The following LAMA2 variants were observed in gnomAD, a reference collection of about 807,000 sequenced individuals.
LAMA2 encodes laminin subunit alpha 2.
LAMA2 carries 269 observed loss-of-function variants against 364.8 expected under a neutral mutation model. The ratio of observed to expected loss-of-function variants is 0.74; its 90% confidence interval spans 0.67 to 0.82. The LOEUF is 0.82. Ranked by LOEUF, LAMA2 falls within the 40% of genes least tolerant of loss-of-function variation. The probability of loss-of-function intolerance (pLI) is 0.00; values close to 1 mark genes in which losing one functional copy is unlikely to be tolerated. For synonymous variants in LAMA2, 1,379 were observed against 1,370.6 expected, an observed-to-expected ratio of 1.01 and a Z score of -0.14; for missense variants, 3,807 against 3,873.2, an observed-to-expected ratio of 0.98 and a Z score of 0.45.
At chr6:129,309,926 G>A (rs1315165871) in intron 22 of LAMA2, among the ~76,000 whole-genome samples, 8 of 110,306 alleles carry the variant, frequency 7.3e-5, no homozygotes, top group African/African-American at 3.4e-4. Flanking sequence ...TTGAGACGGA[G>A]TCTCGCTCTG....
At chr6:129,025,945 C>T (rs1342843552) in intron 1 of LAMA2, among the ~76,000 whole-genome samples, 1 of 152,156 alleles carries the variant, frequency 6.6e-6, no homozygotes, top group African/African-American at 2.4e-5. Context: ...TTGTTGTGCA[C>T]AGACCTGCAC....
chr6:129,020,102 G>GAA (rs57907508), intron 1 of LAMA2, among the ~76,000 whole-genome samples: 12 of 134,206 alleles, frequency 8.9e-5, no homozygotes, highest in African/African-American at 2.3e-4. Flanking sequence ...GAAAAAAAAA[G>GAA]AAAAAAAAAA....
intron 1 of LAMA2, among the ~76,000 whole-genome samples, chr6:129,024,076 G>C (rs1434195891): frequency 6.6e-6 from 1 of 152,060 alleles, no homozygotes; most frequent in Admixed American, 6.6e-5. Context: ...TTTAGCAGCT[G>C]CTTTAACAAG....
intron 1 of LAMA2, among the ~76,000 whole-genome samples, chr6:128,974,884 C>T (rs1168073840): frequency 6.7e-6 from 1 of 148,332 alleles, no homozygotes; most frequent in East Asian, 2.0e-4. Flanking sequence ...AGGAGTCTCA[C>T]TCTGTTGCCC....
At position 128,979,340 on chromosome 6, in the gene LAMA2, A is replaced by G. The variant is rs568834984; in HGVS notation, c.113-70578A>G. 2.0e-5 allele frequency among the ~76,000 whole-genome samples: 3 copies of G among 152,244 alleles called. No individual in the cohort carries two copies. The South Asian group carries it at 6.2e-4, about 32-fold the overall frequency. On this transcript the variant is annotated intron_variant, in intron 1 of 64. Transcript: ENST00000421865. ...TTGAACTAGTGCAGGGATATTTTGG[A>G]GACTTTAGCAATGCCTAGTCAGCAA...
chr6:129,038,614 A>G (rs971273616), intron 1 of LAMA2, among the ~76,000 whole-genome samples: 2 of 152,138 alleles, frequency 1.3e-5, no homozygotes, highest in Non-Finnish European at 2.9e-5. Flanking sequence ...TGATATGACT[A>G]TCTCTACTCC....
intron 12 of LAMA2, among the ~76,000 whole-genome samples, chr6:129,211,869 ATTC>A (rs749209277): frequency 2.6e-5 from 4 of 152,170 alleles, no homozygotes; most frequent in Admixed American, 6.5e-5. Context: ...ACTGGATTCT[ATTC>A]TTCTTCTAAC....
At chr6:128,893,993 A>AACAACC (rs1445057593) in intron 1 of LAMA2, among the ~76,000 whole-genome samples, 1 of 152,102 alleles carries the variant, frequency 6.6e-6, no homozygotes, top group Non-Finnish European at 1.5e-5. Context: ...AATATATAAC[A>AACAACC]ACAAACATAG....
At chr6:129,167,858 A>G (rs1296325013) in intron 9 of LAMA2, among the ~76,000 whole-genome samples, 1 of 150,390 alleles carries the variant, frequency 6.6e-6, no homozygotes, top group Non-Finnish European at 1.5e-5. Flanking sequence ...TTGCCATTCT[A>G]ACTGGTGTGA....
At chr6:129,180,380 T>C (rs1780858294) in intron 10 of LAMA2, among the ~76,000 whole-genome samples, 1 of 152,180 alleles carries the variant, frequency 6.6e-6, no homozygotes, top group South Asian at 2.1e-4. Context: ...ATAATGTGTA[T>C]ATAAGTATTC....
chr6:128,967,493 T>C (rs1781917065), intron 1 of LAMA2, among the ~76,000 whole-genome samples: 1 of 152,224 alleles, frequency 6.6e-6, no homozygotes, highest in Non-Finnish European at 1.5e-5. Flanking sequence ...AACATACTCC[T>C]GACCAGCATT....
chr6:128,938,872 C>G (rs1779993981), intron 1 of LAMA2, among the ~76,000 whole-genome samples: 1 of 152,062 alleles, frequency 6.6e-6, no homozygotes, highest in South Asian at 2.1e-4. Context: ...GTTAATGATC[C>G]CTGCTGCTTG....
chr6:129,456,113 T>C (rs1454565200), intron 47 of LAMA2, among the ~76,000 whole-genome samples: 1 of 152,162 alleles, frequency 6.6e-6, no homozygotes, highest in Admixed American at 6.5e-5. Flanking sequence ...TCACTGGTTC[T>C]GGTTGAAACT....
chr6:128,941,952 G>A (rs1780186885), intron 1 of LAMA2, among the ~76,000 whole-genome samples: 1 of 152,082 alleles, frequency 6.6e-6, no homozygotes, highest in African/African-American at 2.4e-5. Context: ...TTGAAAAGAG[G>A]ATCTTTAGAT....
chr6:129,080,719 C>T (rs955386151), intron 3 of LAMA2, among the ~76,000 whole-genome samples: 17 of 152,150 alleles, frequency 1.1e-4, no homozygotes, highest in Admixed American at 2.0e-4. Context: ...GTTAGAATGG[C>T]GATCATTAAA....
chr6:129,237,362 A>G lies in LAMA2; in HGVS notation c.1783-12750A>G, dbSNP rs186526056. Among the ~76,000 whole-genome samples the G allele has an allele frequency of 3.4e-3, 510 of 151,716 alleles. 3 individuals carry two copies. The highest frequency in any genetic ancestry group is 0.02 in the South Asian group (94 of 4,782). ...TTGTTGTTGTTGTTGTTGGAGATGG[A>G]GTCTTGCTCTATCACCCAGGCTGGA... is the stretch of plus-strand genomic sequence containing the variant. On this transcript the variant is annotated intron_variant, in intron 12 of 64. Transcript: ENST00000421865.
In LAMA2 at chr6:129,200,141, C is replaced by T. The variant is rs893818757; in HGVS notation, c.1782+7288C>T. Among the ~76,000 whole-genome samples, 100 of 91,730 alleles carry T rather than the reference C, an allele frequency of 1.1e-3. 1 individual carries two copies. The highest frequency in any genetic ancestry group is 9.5e-3 in the East Asian group (23 of 2,428). 60.2% of individuals were successfully genotyped at this position (91,730 alleles called of 152,430 possible). On this transcript the variant is annotated intron_variant, in intron 12 of 64. Transcript: ENST00000421865. ...ATATATGTGTATATATATACGTGTA[C>T]ACATATACACGTGTATATATATATA... is the stretch of plus-strand genomic sequence containing the variant.
chr6:129,383,336 A>C, intron 35 of LAMA2, 103 bp downstream of exon 35: 1 of 922,482 alleles, frequency 1.1e-6, no homozygotes, highest in Non-Finnish European at 1.7e-6. Flanking sequence ...TGACATCTGT[A>C]AAATCAAAGG....
chr6:128,936,128 C>T (rs1425706268), intron 1 of LAMA2, among the ~76,000 whole-genome samples: 1 of 152,198 alleles, frequency 6.6e-6, no homozygotes, highest in Non-Finnish European at 1.5e-5. Context: ...CGGTTGTAAG[C>T]TTCCTGAGGT....
Sources: gnomAD v4.1 joint callset for allele counts (sites outside exome capture counted in the v4.1 genomes callset) on GRCh38, gnomAD v4.1.1 for gene constraint, MANE v1.5 for transcripts, NCBI Gene and HGNC (gene_info 2026-07-23, HGNC 2026-07-21) for gene names.